The following ASTN2 variants were observed in gnomAD, a reference collection of about 807,000 sequenced individuals.
ASTN2 encodes the protein astrotactin 2.
ASTN2 carries 54 observed loss-of-function variants against 139.8 expected under a neutral mutation model. The ratio of observed to expected loss-of-function variants is 0.39; its 90% CI spans 0.31 to 0.48. The LOEUF (loss-of-function observed/expected upper bound fraction) is 0.48, where lower values mean the gene tolerates loss of function less well. Among genes scored for constraint, ASTN2 ranks in the 20% least tolerant of loss-of-function variants. ASTN2 has a pLI of 0.95. For missense variants in ASTN2, 1,565 were observed against 1,725.1 expected (o/e 0.91, Z 1.64); for synonymous variants, 756 against 719.5 (o/e 1.05, Z -0.81).
chr9:116,602,450 T>A (rs192951096), intron 19 of ASTN2, among the ~76,000 whole-genome samples: 3 of 152,188 alleles, frequency 2.0e-5, no homozygotes, highest in Admixed American at 2.0e-4. Flanking sequence ...CCTAATAATT[T>A]AGGAAGGCAT....
At chr9:117,146,981 T>G (rs543824059) in intron 3 of ASTN2, among the ~76,000 whole-genome samples, 7 of 152,290 alleles carry the variant, frequency 4.6e-5, no homozygotes, top group African/African-American at 1.7e-4. Context: ...TCATTGCACA[T>G]TATGAGCATA....
chr9:116,875,205 GAA>G (rs1454886873), intron 10 of ASTN2, among the ~76,000 whole-genome samples: 3 of 152,164 alleles, frequency 2.0e-5, no homozygotes. Context: ...TGAATGCAAA[GAA>G]AAAGTTCTTA....
At chr9:116,797,544 CTA>C (rs1428181960) in intron 13 of ASTN2, among the ~76,000 whole-genome samples, 1 of 152,166 alleles carries the variant, frequency 6.6e-6, no homozygotes. Flanking sequence ...CAGCAAAGTG[CTA>C]TGTTTCCAAG....
chr9:117,082,921 C>T (rs562573067), intron 5 of ASTN2, among the ~76,000 whole-genome samples: 3 of 152,302 alleles, frequency 2.0e-5, no homozygotes, highest in East Asian at 3.9e-4. Flanking sequence ...GGCCACCTCT[C>T]GTCCATATTT....
chr9:117,409,040 C>A (rs1309186600), intron 1 of ASTN2, among the ~76,000 whole-genome samples: 1 of 152,134 alleles, frequency 6.6e-6, no homozygotes, highest in East Asian at 1.9e-4. Flanking sequence ...AAGATGGGAA[C>A]TTGAAGTTTG....
intron 10 of ASTN2, among the ~76,000 whole-genome samples, chr9:116,945,212 C>G (rs943258327): frequency 6.6e-6 from 1 of 152,146 alleles, no homozygotes; most frequent in African/African-American, 2.4e-5. Context: ...TCCTCCTGTC[C>G]CACTGGCCAG....
chr9:117,260,537 G>T (rs748295388), intron 2 of ASTN2, among the ~76,000 whole-genome samples: 1 of 152,060 alleles, frequency 6.6e-6, no homozygotes, highest in East Asian at 1.9e-4. Flanking sequence ...ATCAAGAATC[G>T]ACAACCTACC....
Position 117,376,823 on chromosome 9 carries a change from T to C in ASTN2, c.442+37674A>G, listed in dbSNP as rs541565258. ...TAGCACATCATAGGAGCTCAATAAA[T>C]GGTAGGCATTTTTATTTTCTCTCCT... is the stretch of plus-strand genomic sequence containing the variant. On this transcript the variant is annotated intron_variant, in intron 1 of 22. Transcript: ENST00000313400. 7.9e-4 allele frequency among the ~76,000 whole-genome samples: 120 copies of C among 152,232 alleles called. 1 individual carries two copies. Among genetic ancestry groups the C allele is most frequent in the African/African-American group, 2.8e-3 (118 of 41,556 alleles).
chr9:117,399,779 G>T (rs7045691), intron 1 of ASTN2, among the ~76,000 whole-genome samples: 1 of 152,106 alleles, frequency 6.6e-6, no homozygotes, highest in Admixed American at 6.6e-5. Context: ...CAAGGTTTTC[G>T]GGTTGAATTG....
intron 5 of ASTN2, among the ~76,000 whole-genome samples, chr9:117,053,641 T>C (rs936531452): frequency 6.6e-6 from 1 of 152,148 alleles, no homozygotes; most frequent in Non-Finnish European, 1.5e-5. Context: ...TGGAGTTTGT[T>C]GACCATCAAG....
At chr9:116,880,549 C>T (rs115481367) in intron 10 of ASTN2, among the ~76,000 whole-genome samples, 2,970 of 152,238 alleles carry the variant, frequency 0.02, 98 homozygotes, top group African/African-American at 0.067. Context: ...TTTGCCCTTG[C>T]GCAAATGACC....
Position 116,874,362 on chromosome 9 carries a change from T to C in ASTN2, c.1890-10629A>G, listed in dbSNP as rs576053243. On this transcript the variant is annotated intron_variant, in intron 10 of 22. Coordinates refer to ENST00000313400, the MANE Select transcript of ASTN2 (RefSeq NM_001365068.1). ...GCTTCTGAGTAGCTTGTTAGCTTCC[T>C]GCATGCCTAGAGTCCTCCTCGGTCA... Among the ~76,000 whole-genome samples, 11 of 152,322 alleles carry C rather than the reference T, an allele frequency of 7.2e-5. No individual in the cohort carries two copies. The East Asian group carries it at 2.1e-3, about 29-fold the overall frequency.
intron 19 of ASTN2, among the ~76,000 whole-genome samples, chr9:116,590,198 C>G (rs1230078024): frequency 4.6e-5 from 7 of 152,230 alleles, no homozygotes. Context: ...AGTGTGGCCA[C>G]ACAGTTGCAG....
intron 2 of ASTN2, among the ~76,000 whole-genome samples, chr9:117,243,966 G>A (rs1338637786): frequency 2.0e-5 from 3 of 152,096 alleles, no homozygotes; most frequent in Non-Finnish European, 4.4e-5. Flanking sequence ...CATGTCTAGG[G>A]AGAGACCTGG....
intron 16 of ASTN2, among the ~76,000 whole-genome samples, chr9:116,714,313 A>G (rs1473487795): frequency 1.3e-5 from 2 of 152,166 alleles, no homozygotes; most frequent in Non-Finnish European, 2.9e-5. Flanking sequence ...ATGACATAGG[A>G]AGTCTGGCAG....
intron 19 of ASTN2, among the ~76,000 whole-genome samples, chr9:116,567,227 CT>C (rs1853280201): frequency 6.6e-6 from 1 of 152,230 alleles, no homozygotes; most frequent in South Asian, 2.1e-4. Context: ...CAATTTCACA[CT>C]ACCACTGTGA....
intron 1 of ASTN2, among the ~76,000 whole-genome samples, chr9:117,388,818 A>G (rs1373355955): frequency 6.6e-6 from 1 of 152,118 alleles, no homozygotes; most frequent in Non-Finnish European, 1.5e-5. Flanking sequence ...ATGAAGAGTA[A>G]AATTATATCC....
chr9:117,166,218 G>A (rs1830667167), intron 3 of ASTN2, among the ~76,000 whole-genome samples: 2 of 151,950 alleles, frequency 1.3e-5, no homozygotes, highest in Admixed American at 6.6e-5. Flanking sequence ...ACAGTGGAAG[G>A]GAAAAAGAGA....
At chr9:116,598,348 T>G (rs530758815) in intron 19 of ASTN2, among the ~76,000 whole-genome samples, 1 of 152,184 alleles carries the variant, frequency 6.6e-6, no homozygotes. Context: ...GAAGACCCCA[T>G]GTATGTGTCG....
Sources: gnomAD v4.1 joint callset for allele counts (sites outside exome capture counted in the v4.1 genomes callset) on GRCh38, gnomAD v4.1.1 for gene constraint, MANE v1.5 for transcripts, NCBI Gene and HGNC (gene_info 2026-07-23, HGNC 2026-07-21) for gene names.